Variants in NBAS observed in about 807,000 individuals in gnomAD.
NBAS encodes NBAS subunit of NRZ tethering complex, also known as NAG/BC035112 fusion.
A neutral mutation model predicts 302.5 loss-of-function variants in NBAS; 219 were observed. The ratio of observed to expected loss-of-function variants is 0.72; its 90% confidence interval spans 0.65 to 0.81. The LOEUF (loss-of-function observed/expected upper bound fraction) is 0.81. Ranked by LOEUF, NBAS falls within the 30% of genes least tolerant of loss-of-function variation. The pLI, the probability that NBAS is intolerant of heterozygous loss-of-function variation, is 0.00. For synonymous variants in NBAS, 1,118 were observed against 1,021.6 expected (o/e 1.09, Z -1.80); for missense variants, 2,932 against 2,841.6 (o/e 1.03, Z -0.72).
chr2:14,988,016 T>C, the NBAS span, among the ~76,000 whole-genome samples: 1 of 152,136 alleles, frequency 6.6e-6, no homozygotes, highest in Non-Finnish European at 1.5e-5. Flanking sequence ...GCTCAATCCA[T>C]ATGATAAGGT....
chr2:15,294,626 T>G (rs1340446222), intron 40 of NBAS, among the ~76,000 whole-genome samples: 1 of 152,196 alleles, frequency 6.6e-6, no homozygotes, highest in Non-Finnish European at 1.5e-5. Flanking sequence ...CTGGCCCATC[T>G]TCACCTGCTC....
At chr2:15,454,807 T>C (rs1679175119) in intron 21 of NBAS, among the ~76,000 whole-genome samples, 1 of 152,208 alleles carries the variant, frequency 6.6e-6, no homozygotes, top group Admixed American at 6.5e-5. Context: ...GATACTCACC[T>C]TCCATAAGCA....
chr2:14,785,701 G>A, the NBAS span, among the ~76,000 whole-genome samples: 4 of 152,154 alleles, frequency 2.6e-5, no homozygotes, highest in Non-Finnish European at 4.4e-5. Flanking sequence ...GCTTTTTGAT[G>A]TACTGCCGGA....
the NBAS span, among the ~76,000 whole-genome samples, chr2:14,941,353 T>C: frequency 6.6e-6 from 1 of 152,222 alleles, no homozygotes. Context: ...TGTAGCTCAT[T>C]TGGACAGAGC....
the NBAS span, among the ~76,000 whole-genome samples, chr2:14,979,339 A>G: frequency 6.6e-6 from 1 of 152,174 alleles, no homozygotes; most frequent in African/African-American, 2.4e-5. Context: ...GAGCTGACAA[A>G]GAATATTTGT....
the NBAS span, among the ~76,000 whole-genome samples, chr2:14,784,637 G>T: frequency 6.6e-6 from 1 of 151,958 alleles, no homozygotes; most frequent in South Asian, 2.1e-4. Context: ...GTAGATATGC[G>T]GCGTTATTTC....
At chr2:15,067,077 C>T in the NBAS span, among the ~76,000 whole-genome samples, 1 of 145,368 alleles carries the variant, frequency 6.9e-6, no homozygotes, top group Non-Finnish European at 1.5e-5. Flanking sequence ...AATCCCACCA[C>T]TTTGGGAGGC....
chr2:15,446,545 T>C (rs535644018), intron 21 of NBAS, among the ~76,000 whole-genome samples: 22 of 152,126 alleles, frequency 1.4e-4, no homozygotes, highest in Non-Finnish European at 2.9e-4. Context: ...CTAAAGAAAG[T>C]GTTTCAGGCT....
the NBAS span, among the ~76,000 whole-genome samples, chr2:14,976,121 C>A: frequency 6.6e-6 from 1 of 152,206 alleles, no homozygotes; most frequent in Non-Finnish European, 1.5e-5. Context: ...AGATGTAGAG[C>A]TAAGAAGCAA....
At chr2:15,204,693 G>A (rs966337818) in intron 48 of NBAS, among the ~76,000 whole-genome samples, 2 of 152,206 alleles carry the variant, frequency 1.3e-5, no homozygotes, top group Non-Finnish European at 2.9e-5. Flanking sequence ...AAAAGGATGA[G>A]TTCATGTCCT....
chr2:14,985,153 G>A, the NBAS span, among the ~76,000 whole-genome samples: 1 of 152,152 alleles, frequency 6.6e-6, no homozygotes, highest in Non-Finnish European at 1.5e-5. Context: ...TTCGGAATTG[G>A]TATATTTGCA....
the NBAS span, among the ~76,000 whole-genome samples, chr2:15,002,009 C>T: frequency 6.6e-6 from 1 of 152,112 alleles, no homozygotes; most frequent in South Asian, 2.1e-4. Flanking sequence ...TTGGTATAGC[C>T]CAGTGGTCTG....
intron 11 of NBAS, among the ~76,000 whole-genome samples, chr2:15,501,287 A>AG (rs1204834276): frequency 6.6e-6 from 1 of 152,136 alleles, no homozygotes; most frequent in Admixed American, 6.5e-5. Context: ...CCTCAAAAAA[A>AG]AAAAAAAGAT....
chr2:15,527,280 G>T (rs1301143140), intron 9 of NBAS, among the ~76,000 whole-genome samples: 1 of 152,130 alleles, frequency 6.6e-6, no homozygotes. Flanking sequence ...TTTTACAAAG[G>T]TATACAGTAC....
chr2:14,838,573 C>A, the NBAS span, among the ~76,000 whole-genome samples: 1 of 152,022 alleles, frequency 6.6e-6, no homozygotes, highest in Non-Finnish European at 1.5e-5. Flanking sequence ...ATTGCTTTGA[C>A]TAATTTTTTA....
intron 21 of NBAS, among the ~76,000 whole-genome samples, chr2:15,446,719 G>A (rs2148528543): frequency 6.6e-6 from 1 of 152,184 alleles, no homozygotes; most frequent in Non-Finnish European, 1.5e-5. Context: ...ACACATGCTT[G>A]TAAAAGTTAA....
chr2:15,305,690 A>G (rs920927288), intron 40 of NBAS, among the ~76,000 whole-genome samples: 1 of 151,878 alleles, frequency 6.6e-6, no homozygotes, highest in Non-Finnish European at 1.5e-5. Flanking sequence ...CAAGTGATCC[A>G]CCTGCCTCGG....
chr2:15,367,822 C>T (rs541384142), intron 31 of NBAS, among the ~76,000 whole-genome samples: 1 of 152,004 alleles, frequency 6.6e-6, no homozygotes, highest in East Asian at 1.9e-4. Context: ...TAATGTTGAA[C>T]TCAAAAAAGG....
chr2:15,035,847 A>G, the NBAS span, among the ~76,000 whole-genome samples: 1 of 152,028 alleles, frequency 6.6e-6, no homozygotes, highest in East Asian at 1.9e-4. Context: ...CCGGGGTGGG[A>G]GAACGAGGCC....
Sources: allele counts gnomAD v4.1 joint callset (sites outside exome capture counted in the v4.1 genomes callset), GRCh38; gene constraint gnomAD v4.1.1; transcripts MANE v1.5; gene names NCBI Gene and HGNC (gene_info 2026-07-23, HGNC 2026-07-21).